LARP4: variants seen among roughly 807,000 people sequenced by gnomAD.
LARP4 encodes La ribonucleoprotein 4.
A neutral mutation model predicts 92.9 loss-of-function variants in LARP4; 29 were observed. That is an observed-to-expected ratio of 0.31 (90% CI 0.23 to 0.43). LARP4 has a LOEUF of 0.43. Among genes scored for constraint, LARP4 ranks in the 20% least tolerant of loss-of-function variants. LARP4 has a pLI of 1.00. For missense variants in LARP4, 732 were observed against 860.0 expected, an observed-to-expected ratio of 0.85 and a Z score of 1.86; for synonymous variants, 279 against 284.1, an observed-to-expected ratio of 0.98 and a Z score of 0.18.
chr12:50,459,818 G>C (rs1283865243), intron 10 of LARP4, among the ~76,000 whole-genome samples: 3 of 78,832 alleles, frequency 3.8e-5, no homozygotes. Flanking sequence ...GCAAGACTCC[G>C]TATCAAAAAA....
chr12:50,474,191 G>A, intron 15 of LARP4, 24 bp downstream of exon 15: 1 of 1,492,678 alleles, frequency 6.7e-7, no homozygotes, highest in Non-Finnish European at 9.1e-7. Flanking sequence ...TTTAGTTTAT[G>A]TTAAAAAAAA....
At chr12:50,450,220 C>A (rs962040654) in intron 8 of LARP4, among the ~76,000 whole-genome samples, 2 of 151,842 alleles carry the variant, frequency 1.3e-5, no homozygotes, top group Non-Finnish European at 2.9e-5. Context: ...GTGAGCCACC[C>A]TGCCTGGCCA....
intron 4 of LARP4, among the ~76,000 whole-genome samples, 195 bp downstream of exon 4, chr12:50,430,765 A>T (rs1405482946): frequency 6.6e-6 from 1 of 151,682 alleles, no homozygotes; most frequent in Non-Finnish European, 1.5e-5. Context: ...GGTTCAAGAG[A>T]TTCTTGTGCC....
intron 10 of LARP4, among the ~76,000 whole-genome samples, chr12:50,455,920 T>G (rs757381265): frequency 6.6e-6 from 1 of 152,016 alleles, no homozygotes; most frequent in Non-Finnish European, 1.5e-5. Context: ...GGTGGTGTAG[T>G]GCATGCCTGA....
chr12:50,454,273 C>T, intron 9 of LARP4, 41 bp from the exon 10 acceptor site: 2 of 1,474,746 alleles, frequency 1.4e-6, no homozygotes, highest in Non-Finnish European at 1.9e-6. Context: ...CCAGATTTTA[C>T]CTTTGCCATT....
intron 5 of LARP4, among the ~76,000 whole-genome samples, chr12:50,436,200 C>A (rs948326171): frequency 6.9e-6 from 1 of 145,440 alleles, no homozygotes; most frequent in African/African-American, 2.6e-5. Context: ...ATATATCCCG[C>A]TACTGACTGG....
intron 7 of LARP4, 50 bp downstream of exon 7, chr12:50,440,599 G>T (rs781508949): frequency 1.8e-5 from 22 of 1,206,684 alleles, no homozygotes; most frequent in Non-Finnish European, 2.3e-5. Flanking sequence ...GGCAAAATAA[G>T]TAGTGGTATA....
In LARP4 at chr12:50,452,040, G is replaced by GT. The variant is rs549042262; in HGVS notation, c.805-1419dup. ...AAATAAACAACTGAATGGTATTCCAGTGTGTGTGTACACCACGTTTTCTCC... is the reference window on the plus strand; with the variant it reads ...AAATAAACAACTGAATGGTATTCCAGTTGTGTGTGTACACCACGTTTTCTCC... On this transcript the variant is annotated intron_variant, in intron 8 of 15. Transcript: ENST00000398473. Among the ~76,000 whole-genome samples, 15 of 152,176 alleles carry GT rather than the reference G, an allele frequency of 9.9e-5. No individual in the cohort carries two copies. In the South Asian group the frequency reaches 3.1e-3, roughly 32 times the overall value.
chr12:50,429,455 A>C (rs1263748638), intron 3 of LARP4, among the ~76,000 whole-genome samples: 1 of 152,068 alleles, frequency 6.6e-6, no homozygotes, highest in Non-Finnish European at 1.5e-5. Context: ...TACTGAAAAA[A>C]AAAAATTAGC....
intron 1 of LARP4, among the ~76,000 whole-genome samples, chr12:50,411,531 G>C (rs1000422193): frequency 6.6e-6 from 1 of 151,758 alleles, no homozygotes; most frequent in Non-Finnish European, 1.5e-5. Flanking sequence ...GTTTCACCAT[G>C]TTGGCCAGGC....
intron 11 of LARP4, among the ~76,000 whole-genome samples, chr12:50,461,859 G>A (rs1565717526): frequency 6.6e-6 from 1 of 152,116 alleles, no homozygotes; most frequent in African/African-American, 2.4e-5. Context: ...TTGGGAGCCT[G>A]AGGTAGGAGA....
At chr12:50,462,535 A>T in intron 11 of LARP4, 47 bp from the exon 12 acceptor site, 3 of 982,032 alleles carry the variant, frequency 3.1e-6, no homozygotes, top group Non-Finnish European at 4.8e-6. Flanking sequence ...GAAACTTATG[A>T]CTTGTCCCTC....
chr12:50,428,565 CTAT>C (rs1166009336), intron 2 of LARP4, among the ~76,000 whole-genome samples: 1 of 152,140 alleles, frequency 6.6e-6, no homozygotes, highest in East Asian at 1.9e-4. Context: ...ATTGACTCTG[CTAT>C]TTACTCACTG....
Position 50,435,638 on chromosome 12 carries a change from C to G in LARP4, c.535+14C>G, listed in dbSNP as rs770731795. The G allele has an allele frequency of 6.5e-7, 1 of 1,540,810 alleles. No homozygotes were observed. Among genetic ancestry groups the G allele is most frequent in the Non-Finnish European group, 8.8e-7 (1 of 1,139,480 alleles). On this transcript the variant is annotated intron_variant, in intron 5 of 15. Coordinates refer to ENST00000398473, the MANE Select transcript of LARP4 (RefSeq NM_052879.5). ...AAGTGTTAAGATGTATGTAAAAATA[C>G]CTTTTAGCTTTTTTTTTAATTTTTA...
intron 13 of LARP4, among the ~76,000 whole-genome samples, chr12:50,471,186 A>G (rs1253274917): frequency 6.6e-6 from 1 of 152,212 alleles, no homozygotes; most frequent in African/African-American, 2.4e-5. Flanking sequence ...CTTGTAAGCC[A>G]TACCAAAACA....
chr12:50,454,213 C>A, intron 9 of LARP4, 101 bp from the exon 10 acceptor site: 1 of 758,066 alleles, frequency 1.3e-6, no homozygotes, highest in Non-Finnish European at 2.1e-6. Flanking sequence ...ATATTTTTGG[C>A]TTGTAAAAGA....
intron 10 of LARP4, among the ~76,000 whole-genome samples, chr12:50,455,409 A>T (rs1954039807): frequency 6.6e-6 from 1 of 152,150 alleles, no homozygotes; most frequent in African/African-American, 2.4e-5. Flanking sequence ...ACATATAGTC[A>T]TTTCGATTTA....
intron 6 of LARP4, among the ~76,000 whole-genome samples, chr12:50,440,102 T>G (rs1950987521): frequency 6.6e-6 from 1 of 152,226 alleles, no homozygotes; most frequent in South Asian, 2.1e-4. Flanking sequence ...ATACTTACGC[T>G]TTGCTTATTG....
At chr12:50,473,111 C>T (rs1489570874) in intron 13 of LARP4, among the ~76,000 whole-genome samples, 6 of 152,192 alleles carry the variant, frequency 3.9e-5, no homozygotes, top group East Asian at 1.9e-4. Flanking sequence ...TGAGCCACTG[C>T]GCCCAGCCTA....
Sources: allele counts gnomAD v4.1 joint callset (sites outside exome capture counted in the v4.1 genomes callset), GRCh38; gene constraint gnomAD v4.1.1; transcripts MANE v1.5; gene names NCBI Gene and HGNC (gene_info 2026-07-23, HGNC 2026-07-21).